GPLD1: variants seen among roughly 807,000 people sequenced by gnomAD.
GPLD1 encodes the protein phosphatidylinositol-glycan-specific phospholipase D.
Under a neutral mutation model 112.6 loss-of-function variants are expected in GPLD1, and 84 were observed. The ratio of observed to expected loss-of-function variants is 0.75; its 90% CI spans 0.63 to 0.89. The LOEUF (loss-of-function observed/expected upper bound fraction) is 0.89. Ranked by LOEUF, GPLD1 falls within the 40% of genes least tolerant of loss-of-function variation. The pLI, the probability that GPLD1 is intolerant of heterozygous loss-of-function variation, is 0.00. For missense variants in GPLD1, 1,044 were observed against 1,051.5 expected, an observed-to-expected ratio of 0.99 and a Z score of 0.10; for synonymous variants, 386 against 403.8, an observed-to-expected ratio of 0.96 and a Z score of 0.53.
At chr6:24,438,239 T>C (rs1333043018) in intron 20 of GPLD1, among the ~76,000 whole-genome samples, 1 of 152,248 alleles carries the variant, frequency 6.6e-6, no homozygotes, top group Non-Finnish European at 1.5e-5. Context: ...TGGTGCTTGG[T>C]TCTGTACAAG....
rs1763630457 is a variant in GPLD1 at position 24,466,751 on chromosome 6, T to C, written c.750A>G (p.Gly250=). The change falls in exon 10 of 25, where the codon GGA becomes GGG. Residue 250 remains glycine (G), a synonymous_variant. Coordinates refer to ENST00000230036, the MANE Select transcript of GPLD1 (RefSeq NM_001503.4). ...VEQFQEYFLG[G]LDDMAFWSTN... Reference sequence around the variant, plus strand: ...TGGACCAAAATGCCATATCATCCAGTCCTCCAAGAAAATACTCTTGGAATT... The same window carrying C: ...TGGACCAAAATGCCATATCATCCAGCCCTCCAAGAAAATACTCTTGGAATT... 1.2e-6 allele frequency: 2 copies of C among 1,610,058 alleles called. No homozygotes were observed. Among genetic ancestry groups the C allele is most frequent in the Non-Finnish European group, 1.7e-6 (2 of 1,176,476 alleles).
At chr6:24,448,506 C>T (rs1772254) in intron 15 of GPLD1, among the ~76,000 whole-genome samples, 144,820 of 152,140 alleles carry the variant, frequency 0.95, 69,074 homozygotes, top group Non-Finnish European at 0.99. Flanking sequence ...ATCCATTCTG[C>T]GCATTGCTGC....
intron 14 of GPLD1, 74 bp from the exon 15 acceptor site, chr6:24,449,973 T>C (rs770999321): frequency 6.7e-6 from 7 of 1,051,144 alleles, no homozygotes; most frequent in Non-Finnish European, 1.0e-5. Flanking sequence ...CCCCAGGGAG[T>C]AGAGAGGCCT....
Position 24,476,039 on chromosome 6 carries a change from T to C in GPLD1, c.330+142A>G, listed in dbSNP as rs891502119. On this transcript the variant is annotated intron_variant, in intron 4 of 24. Coordinates refer to ENST00000230036, the MANE Select transcript of GPLD1 (RefSeq NM_001503.4). ...TCAAGTATTAGCTAGCCATCTACTA[T>C]GTCCAAGCAATGTGCATGACACTGA... 55 of 565,606 alleles carry C rather than the reference T, an allele frequency of 9.7e-5. No individual in the cohort carries two copies. In the Admixed American group the frequency reaches 1.7e-3, roughly 17 times the overall value. 35.0% of individuals were successfully genotyped at this position (565,606 alleles called of 1,614,324 possible).
At chr6:24,489,689 C>T (rs745590169), upstream of GPLD1, 3 of 1,048,432 alleles carry the variant, frequency 2.9e-6, no homozygotes, top group Non-Finnish European at 4.0e-6. Flanking sequence ...TGTCCAACTA[C>T]TGTTTAGCTT....
intron 1 of GPLD1, among the ~76,000 whole-genome samples, chr6:24,487,110 A>G (rs1427052687): frequency 1.3e-5 from 2 of 151,178 alleles, no homozygotes; most frequent in Non-Finnish European, 2.9e-5. Context: ...TAAAATTCAT[A>G]TAACAAAAAA....
chr6:24,481,617 T>C (rs1014127619), intron 2 of GPLD1, among the ~76,000 whole-genome samples: 7 of 152,248 alleles, frequency 4.6e-5, no homozygotes, highest in Middle Eastern at 3.4e-3. Flanking sequence ...AAATGGACCT[T>C]TGAGCAAAGC....
chr6:24,460,519 G>T (rs895334074), intron 11 of GPLD1, 120 bp from the exon 12 acceptor site: 1 of 965,254 alleles, frequency 1.0e-6, no homozygotes, highest in African/African-American at 1.6e-5. Flanking sequence ...TTTAACGTCA[G>T]AAGGCTGAAG....
At chr6:24,429,799 C>T (rs564746564) in intron 24 of GPLD1, among the ~76,000 whole-genome samples, 36 of 152,298 alleles carry the variant, frequency 2.4e-4, no homozygotes, top group African/African-American at 8.4e-4. Context: ...CCACCCGCCT[C>T]GGCTTCCCAA....
At chr6:24,450,956 A>G (rs1336563997) in intron 14 of GPLD1, among the ~76,000 whole-genome samples, 1 of 152,216 alleles carries the variant, frequency 6.6e-6, no homozygotes, top group Non-Finnish European at 1.5e-5. Context: ...TGGGCAACAG[A>G]AGTGAAACTC....
chr6:24,491,218 GCCTC>G (rs1386078753), upstream of GPLD1, among the ~76,000 whole-genome samples: 3 of 152,132 alleles, frequency 2.0e-5, no homozygotes, highest in Admixed American at 1.3e-4. Flanking sequence ...CTTTGAGTTT[GCCTC>G]CCTGTCACTC....
upstream of GPLD1, among the ~76,000 whole-genome samples, chr6:24,490,764 A>G (rs562854499): frequency 1.3e-5 from 2 of 149,346 alleles, no homozygotes; most frequent in East Asian, 3.9e-4. Flanking sequence ...AAAAAAAAAA[A>G]GAAAAGAAAA....
chr6:24,484,027 C>T (rs915089008), intron 2 of GPLD1, among the ~76,000 whole-genome samples: 27 of 152,040 alleles, frequency 1.8e-4, no homozygotes, highest in Non-Finnish European at 3.7e-4. Flanking sequence ...GCCATTCTCC[C>T]GCCTCAGCCT....
At chr6:24,459,132 G>GAAA (rs920117039) in intron 12 of GPLD1, among the ~76,000 whole-genome samples, 2 of 152,078 alleles carry the variant, frequency 1.3e-5, no homozygotes, top group Admixed American at 1.3e-4. Context: ...CCCACTAACA[G>GAAA]AAATGTACTC....
chr6:24,439,644 T>G (rs1762682899), intron 20 of GPLD1, among the ~76,000 whole-genome samples: 1 of 152,128 alleles, frequency 6.6e-6, no homozygotes, highest in Non-Finnish European at 1.5e-5. Flanking sequence ...TCATGCAAAT[T>G]AAACAATGGA....
At chr6:24,432,414 G>A (rs999657178) in intron 24 of GPLD1, among the ~76,000 whole-genome samples, 3 of 151,950 alleles carry the variant, frequency 2.0e-5, no homozygotes, top group Admixed American at 1.3e-4. Flanking sequence ...CCTTGACAAC[G>A]TGGCAAAACC....
At position 24,467,181 on chromosome 6, in the gene GPLD1, G is replaced by A; in HGVS notation, c.639C>T (p.Ile213=). The change falls in exon 8 of 25, where the codon ATC becomes ATT. Residue 213 remains isoleucine (I), a synonymous_variant. Transcript: ENST00000230036. ...TENVIVDCSH[I]QFLEMYGEML... is the part of the protein sequence containing the mutation. Reference sequence around the variant, plus strand: ...GTTACGCTTACATTTCTAAGAACTGGATATGTGAACAATCAACGATTACAT... The same window carrying A: ...GTTACGCTTACATTTCTAAGAACTGAATATGTGAACAATCAACGATTACAT... 6.4e-7 allele frequency: 1 copy of A among 1,572,096 alleles called. No homozygotes were observed. The highest frequency in any genetic ancestry group is 1.3e-5 in the African/African-American group (1 of 74,214).
chr6:24,456,723 T>C (rs1763280723), intron 12 of GPLD1, 86 bp from the exon 13 acceptor site: 2 of 866,652 alleles, frequency 2.3e-6, no homozygotes, highest in East Asian at 5.1e-5. Context: ...ATTGGACTTG[T>C]GTAAAGGAAA....
At position 24,428,200 on chromosome 6, in the gene GPLD1, TTTGA is replaced by T. The variant is rs1421950688; in HGVS notation, c.*828_*831del. 1.3e-4 allele frequency: 20 copies of T among 151,300 alleles called. No individual in the cohort carries two copies. The highest frequency in any genetic ancestry group is 4.6e-4 in the African/African-American group (19 of 41,168). 9.4% of individuals were successfully genotyped at this position (151,300 alleles called of 1,614,324 possible). ...CTGTATACTATGCTTTCTATTATACTTTGATTGGCATGGGCCAATCTGTTATTTT... is the reference window on the plus strand; with the variant it reads ...CTGTATACTATGCTTTCTATTATACTTTGGCATGGGCCAATCTGTTATTTT... On this transcript the variant is annotated 3_prime_UTR_variant, in exon 25 of 25. Coordinates refer to ENST00000230036, the MANE Select transcript of GPLD1 (RefSeq NM_001503.4).
Sources: allele counts gnomAD v4.1 joint callset (sites outside exome capture counted in the v4.1 genomes callset), GRCh38; gene constraint gnomAD v4.1.1; transcripts MANE v1.5; gene names NCBI Gene and HGNC (gene_info 2026-07-23, HGNC 2026-07-21).